Variants in RIT2 observed in about 807,000 individuals in gnomAD.
The protein encoded by RIT2 is GTP-binding protein Rit2.
A neutral mutation model predicts 23.7 loss-of-function variants in RIT2; 24 were observed. The observed-to-expected ratio is 1.01, with a 90% CI of 0.73 to 1.43. The LOEUF (loss-of-function observed/expected upper bound fraction) is 1.43. Ranked by LOEUF, RIT2 falls within the 40% of genes most tolerant of loss-of-function variation. The probability of loss-of-function intolerance (pLI) is 0.00; values close to 1 mark genes in which losing one functional copy is unlikely to be tolerated. For missense variants in RIT2, 236 were observed against 266.9 expected (o/e 0.88, Z 0.81); for synonymous variants, 107 against 91.1 (o/e 1.17, Z -0.99).
intron 4 of RIT2, among the ~76,000 whole-genome samples, chr18:42,904,700 T>C (rs1908565244): frequency 6.6e-6 from 1 of 152,104 alleles, no homozygotes; most frequent in Non-Finnish European, 1.5e-5. Context: ...CATATACACA[T>C]TTAACATAAA....
At chr18:42,749,635 T>G (rs1038941947) in intron 4 of RIT2, among the ~76,000 whole-genome samples, 5 of 151,830 alleles carry the variant, frequency 3.3e-5, no homozygotes, top group Admixed American at 3.3e-4. Flanking sequence ...AAATAGTGTA[T>G]ATCAGTTCAG....
intron 3 of RIT2, among the ~76,000 whole-genome samples, chr18:42,937,066 C>T (rs2144152861): frequency 6.6e-6 from 1 of 150,972 alleles, no homozygotes; most frequent in South Asian, 2.1e-4. Context: ...ACAAACATAA[C>T]ATTTGATCTG....
intron 2 of RIT2, among the ~76,000 whole-genome samples, chr18:43,010,285 A>G (rs760786305): frequency 2.0e-5 from 3 of 151,846 alleles, no homozygotes; most frequent in Non-Finnish European, 4.4e-5. Context: ...ATAGAAAGGA[A>G]TTAATGTAAA....
chr18:42,907,904 C>A (rs1306161713), intron 4 of RIT2, among the ~76,000 whole-genome samples: 2 of 151,540 alleles, frequency 1.3e-5, no homozygotes, highest in African/African-American at 4.8e-5. Context: ...TTGCTTGAGC[C>A]CAAGATATAG....
chr18:42,822,144 A>G (rs910365670), intron 4 of RIT2, among the ~76,000 whole-genome samples: 1 of 152,138 alleles, frequency 6.6e-6, no homozygotes, highest in Admixed American at 6.6e-5. Flanking sequence ...ACTGCCTAAT[A>G]CCATTCATGC....
chr18:42,788,288 G>C (rs1056135525), intron 4 of RIT2, among the ~76,000 whole-genome samples: 1 of 152,132 alleles, frequency 6.6e-6, no homozygotes, highest in Non-Finnish European at 1.5e-5. Context: ...CAGACACTAA[G>C]TTGGGAGAGG....
chr18:43,051,295 GGAGA>G (rs1201739862), intron 1 of RIT2, among the ~76,000 whole-genome samples: 1 of 152,092 alleles, frequency 6.6e-6, no homozygotes, highest in African/African-American at 2.4e-5. Context: ...CAGTTAAAGG[GGAGA>G]GATTTTTCCA....
At chr18:43,092,019 T>C (rs1318337005) in intron 1 of RIT2, among the ~76,000 whole-genome samples, 1 of 152,138 alleles carries the variant, frequency 6.6e-6, no homozygotes, top group Non-Finnish European at 1.5e-5. Context: ...TTATGGATAA[T>C]TTTAACGGTA....
intron 2 of RIT2, among the ~76,000 whole-genome samples, chr18:43,011,284 A>G (rs927078078): frequency 4.0e-5 from 6 of 151,794 alleles, no homozygotes; most frequent in African/African-American, 1.2e-4. Context: ...GAATACAGAA[A>G]GAGATCAGAG....
intron 3 of RIT2, among the ~76,000 whole-genome samples, chr18:42,952,731 T>TA (rs927588215): frequency 6.6e-6 from 1 of 151,798 alleles, no homozygotes; most frequent in Admixed American, 6.6e-5. Flanking sequence ...TTTTATGAAA[T>TA]AAAAAAATAT....
chr18:42,748,216 A>G (rs1045213044), intron 4 of RIT2, among the ~76,000 whole-genome samples: 4 of 152,022 alleles, frequency 2.6e-5, no homozygotes, highest in Non-Finnish European at 4.4e-5. Flanking sequence ...TCCACAATCT[A>G]CAAGAGACTG....
intron 2 of RIT2, among the ~76,000 whole-genome samples, chr18:42,975,655 A>T (rs546453124): frequency 1.2e-3 from 179 of 152,196 alleles, no homozygotes; most frequent in Admixed American, 1.6e-3. Flanking sequence ...TTGGGACAAC[A>T]GTAAGTGAGC....
At position 43,086,427 on chromosome 18, in the gene RIT2, A is replaced by C. The variant is rs190231958; in HGVS notation, c.103+28990T>G. On this transcript the variant is annotated intron_variant, in intron 1 of 4. Transcript: ENST00000326695. ...AAGACTGAATCAGGAAGAAATACGC[A>C]TGATGGAATACCATACAGTCTTAAA... 1.3e-4 allele frequency among the ~76,000 whole-genome samples: 20 copies of C among 152,360 alleles called. 1 individual carries two copies. The highest frequency in any genetic ancestry group is 1.2e-3 in the Admixed American group (19 of 15,302).
chr18:42,880,900 C>T (rs761262777), intron 4 of RIT2, among the ~76,000 whole-genome samples: 45 of 151,424 alleles, frequency 3.0e-4, no homozygotes, highest in Non-Finnish European at 5.7e-4. Context: ...CTCCACCTCC[C>T]GGGTTCCAGC....
chr18:42,849,629 GT>G, intron 4 of RIT2, among the ~76,000 whole-genome samples: 1 of 152,146 alleles, frequency 6.6e-6, no homozygotes. Flanking sequence ...TTATCTTCAA[GT>G]TTGAGAGTGG....
At chr18:42,982,578 C>G (rs902183570) in intron 2 of RIT2, among the ~76,000 whole-genome samples, 4 of 152,092 alleles carry the variant, frequency 2.6e-5, no homozygotes, top group Admixed American at 2.0e-4. Flanking sequence ...GTAATAGCTT[C>G]AGCTAACATG....
chr18:42,956,470 A>G (rs578131273), intron 3 of RIT2, among the ~76,000 whole-genome samples: 1 of 152,308 alleles, frequency 6.6e-6, no homozygotes, highest in South Asian at 2.1e-4. Flanking sequence ...GATGAAGGTT[A>G]GAGATAAATG....
chr18:42,875,524 G>A (rs1426072745), intron 4 of RIT2, among the ~76,000 whole-genome samples: 1 of 151,954 alleles, frequency 6.6e-6, no homozygotes, highest in African/African-American at 2.4e-5. Context: ...ATGCTTGGTG[G>A]TATGCAGGCA....
At chr18:43,089,246 T>A (rs1414494212) in intron 1 of RIT2, among the ~76,000 whole-genome samples, 1 of 151,954 alleles carries the variant, frequency 6.6e-6, no homozygotes, top group Non-Finnish European at 1.5e-5. Flanking sequence ...GTCAGCAAAG[T>A]CTCAGGATAC....
Sources: allele counts gnomAD v4.1 joint callset (sites outside exome capture counted in the v4.1 genomes callset), GRCh38; gene constraint gnomAD v4.1.1; transcripts MANE v1.5; gene names NCBI Gene and HGNC (gene_info 2026-07-23, HGNC 2026-07-21).